Variants in CLCN5 observed in about 807,000 individuals in gnomAD.
CLCN5 encodes Cl-/H+ antiporter 5.
CLCN5 carries 17 observed loss-of-function variants against 54.0 expected under a neutral mutation model. That is an observed-to-expected ratio of 0.31 (90% CI 0.22 to 0.47). CLCN5 has a LOEUF of 0.47. Ranked by LOEUF, CLCN5 falls within the 20% of genes least tolerant of loss-of-function variation. The pLI, the probability that CLCN5 is intolerant of heterozygous loss-of-function variation, is 1.00. For synonymous variants in CLCN5, 222 were observed against 233.0 expected (o/e 0.95, Z 0.43); for missense variants, 448 against 646.7 (o/e 0.69, Z 3.33).
chrX:50,037,383 G>A (rs981102063), intron 3 of CLCN5, among the ~76,000 whole-genome samples: 1 of 112,224 alleles, frequency 8.9e-6, no homozygotes, highest in South Asian at 3.7e-4. Flanking sequence ...GTGCATGTAG[G>A]TGGCCTTGCT....
intron 10 of CLCN5, 58 bp downstream of exon 10, chrX:50,086,118 T>G: frequency 1.0e-6 from 1 of 975,951 alleles, no homozygotes; most frequent in Non-Finnish European, 1.5e-6. Context: ...TTTTGTACAT[T>G]GCAGCGCAAT....
At chrX:50,005,334 G>A (rs73490084) in intron 3 of CLCN5, among the ~76,000 whole-genome samples, 3,540 of 111,650 alleles carry the variant, frequency 0.032, 137 homozygotes, top group African/African-American at 0.11. Context: ...TTTCTGTGAT[G>A]TTAGTTGCCA....
In CLCN5 at chrX:49,949,495, G is replaced by A. The variant is rs529700875; in HGVS notation, c.16+24181G>A. ...GACAATTGTTTGGCTTTTAATAACA[G>A]CATACATATCAGATAGATGGACAAT... On this transcript the variant is annotated intron_variant, in intron 3 of 14. Coordinates refer to ENST00000376091, the MANE Select transcript of CLCN5 (RefSeq NM_001127898.4). Among the ~76,000 whole-genome samples the A allele has an allele frequency of 5.3e-4, 59 of 111,875 alleles. No homozygotes were observed. The South Asian group carries it at 0.021, about 41-fold the overall frequency.
Position 50,095,919 on chromosome X carries a change from ACTAT to A in CLCN5, c.*3703_*3706del, listed in dbSNP as rs1252453397. 3 of 112,741 alleles carry A rather than the reference ACTAT, an allele frequency of 2.7e-5. No individual in the cohort carries two copies. Among genetic ancestry groups the A allele is most frequent in the Non-Finnish European group, 5.6e-5 (3 of 53,382 alleles). 9.3% of individuals were successfully genotyped at this position (112,741 alleles called of 1,213,427 possible). A position where few individuals can be genotyped will look rare whatever the true frequency, so the allele number is the denominator to read the frequency against. ...TAGGAAGATGCACTTGTTATCCCAC[ACTAT>A]CTCTTGTTTTGTTTTGTTTTGTTTT... On this transcript the variant is annotated 3_prime_UTR_variant, in exon 15 of 15. Transcript: ENST00000376091.
At chrX:50,058,394 T>G (rs1284257035) in intron 4 of CLCN5, among the ~76,000 whole-genome samples, 2 of 111,667 alleles carry the variant, frequency 1.8e-5, no homozygotes, top group African/African-American at 6.5e-5. Flanking sequence ...GGCATATTGG[T>G]TAGGGATTTA....
chrX:49,940,187 CCT>C (rs1926252893), intron 3 of CLCN5, among the ~76,000 whole-genome samples: 1 of 111,726 alleles, frequency 9.0e-6, no homozygotes, highest in South Asian at 3.8e-4. Flanking sequence ...TTCCTGGGCC[CCT>C]GTTTATTCCT....
chrX:50,028,090 T>A (rs782816563), intron 3 of CLCN5, among the ~76,000 whole-genome samples: 78 of 111,972 alleles, frequency 7.0e-4, no homozygotes, highest in African/African-American at 2.5e-3. Context: ...AGGTTTCAGT[T>A]TTTTAGTGAG....
At chrX:49,955,358 C>T (rs1304195700) in intron 3 of CLCN5, among the ~76,000 whole-genome samples, 3 of 109,987 alleles carry the variant, frequency 2.7e-5, no homozygotes, top group Non-Finnish European at 5.7e-5. Context: ...TCTGTAGACA[C>T]CCAACAAAGT....
At chrX:50,011,931 T>A (rs1342584035) in intron 3 of CLCN5, among the ~76,000 whole-genome samples, 1 of 111,237 alleles carries the variant, frequency 9.0e-6, no homozygotes, top group Non-Finnish European at 1.9e-5. Flanking sequence ...AGGCAAGCAT[T>A]CCACGGCTGA....
At chrX:49,980,678 C>T (rs1263891609) in intron 3 of CLCN5, among the ~76,000 whole-genome samples, 1 of 111,411 alleles carries the variant, frequency 9.0e-6, no homozygotes, top group Admixed American at 9.5e-5. Flanking sequence ...CATCTAGAGC[C>T]AATAGAGTAC....
At chrX:50,027,404 C>A (rs1383141781) in intron 3 of CLCN5, among the ~76,000 whole-genome samples, 1 of 111,882 alleles carries the variant, frequency 8.9e-6, no homozygotes, top group Non-Finnish European at 1.9e-5. Flanking sequence ...TGTTCCTTTT[C>A]CATTTTCTTT....
intron 3 of CLCN5, among the ~76,000 whole-genome samples, chrX:49,972,112 GGTGTGTGTGTGTGTGTGTGTGT>G (rs61157983): frequency 6.9e-5 from 6 of 86,590 alleles, no homozygotes; most frequent in Non-Finnish European, 9.0e-5. Context: ...TGCATTCTCT[GGTGTGTGTGTGTGTGTGTGTGT>G]GTGTGTGTGT....
Position 50,092,229 on chromosome X carries a change from G to C in CLCN5, c.*10G>C. 3 of 1,123,461 alleles carry C rather than the reference G, an allele frequency of 2.7e-6. No homozygotes were observed. The highest frequency in any genetic ancestry group is 3.7e-6 in the Non-Finnish European group (3 of 815,096). The allele number at this position is 1,123,461 out of a possible 1,213,427, so 92.6% of individuals were successfully genotyped here. ...CATTCTCTTCAACTAGAATCATAGA[G>C]TTCTGGATGTAAAGCGGGAAGGACA... On this transcript the variant is annotated 3_prime_UTR_variant, in exon 15 of 15. Coordinates refer to ENST00000376091, the MANE Select transcript of CLCN5 (RefSeq NM_001127898.4).
At chrX:49,972,005 A>T (rs113420869) in intron 3 of CLCN5, among the ~76,000 whole-genome samples, 1,765 of 111,293 alleles carry the variant, frequency 0.016, 30 homozygotes, top group African/African-American at 0.054. Flanking sequence ...AACTTATAAA[A>T]AATTTGCCCA....
chrX:49,969,288 G>T (rs1489683972), intron 3 of CLCN5, among the ~76,000 whole-genome samples: 1 of 111,625 alleles, frequency 9.0e-6, no homozygotes, highest in Admixed American at 9.5e-5. Context: ...ATGTTGGCCA[G>T]GCTGGTCTCG....
At chrX:50,069,814 A>G in intron 4 of CLCN5, 65 bp from the exon 5 acceptor site, 2 of 1,123,677 alleles carry the variant, frequency 1.8e-6, no homozygotes, top group Non-Finnish European at 2.3e-6. Flanking sequence ...TTTGGAACCA[A>G]AAAGAATGTA....
chrX:49,924,168 G>A (rs1200328491), intron 2 of CLCN5, among the ~76,000 whole-genome samples: 1 of 60,515 alleles, frequency 1.7e-5, no homozygotes, highest in African/African-American at 6.8e-5. Context: ...TTTTTGGTTT[G>A]AGCCGGCTCT....
chrX:49,980,279 C>A (rs1928672742), intron 3 of CLCN5, among the ~76,000 whole-genome samples: 1 of 110,541 alleles, frequency 9.0e-6, no homozygotes, highest in Non-Finnish European at 1.9e-5. Context: ...TTTAGTGAAG[C>A]AAAATAATTT....
At position 50,093,927 on chromosome X, in the gene CLCN5, C is replaced by A. The variant is rs782218397; in HGVS notation, c.*1708C>A. ...GCCTACGGCAGTGAGATTTCACTGC[C>A]GGGGTAAGAGTTCAGCCTGGATGAT... is the stretch of plus-strand genomic sequence containing the variant. On this transcript the variant is annotated 3_prime_UTR_variant, in exon 15 of 15. Coordinates refer to ENST00000376091, the MANE Select transcript of CLCN5 (RefSeq NM_001127898.4). 1 of 110,921 alleles carries A rather than the reference C, an allele frequency of 9.0e-6. No homozygotes were observed. Among genetic ancestry groups the A allele is most frequent in the African/African-American group, 3.3e-5 (1 of 30,468 alleles). 9.1% of individuals were successfully genotyped at this position (110,921 alleles called of 1,213,427 possible). A position where few individuals can be genotyped will look rare whatever the true frequency, so the allele number is the denominator to read the frequency against.
Sources: gnomAD v4.1 joint callset for allele counts (sites outside exome capture counted in the v4.1 genomes callset) on GRCh38, gnomAD v4.1.1 for gene constraint, MANE v1.5 for transcripts, NCBI Gene and HGNC (gene_info 2026-07-23, HGNC 2026-07-21) for gene names.